UNC13C: variants seen among roughly 807,000 people sequenced by gnomAD.
UNC13C encodes protein unc-13 homolog C.
A neutral mutation model predicts 245.4 loss-of-function variants in UNC13C; 174 were observed. The ratio of observed to expected loss-of-function variants is 0.71; its 90% CI spans 0.63 to 0.80. The LOEUF is 0.80. Ranked by LOEUF, UNC13C falls within the 30% of genes least tolerant of loss-of-function variation. The probability of loss-of-function intolerance (pLI) is 0.00; values close to 1 mark genes in which losing one functional copy is unlikely to be tolerated. For missense variants in UNC13C, 2,829 were observed against 2,602.9 expected (o/e 1.09, Z -1.89); for synonymous variants, 992 against 895.1 (o/e 1.11, Z -1.93).
intron 4 of UNC13C, among the ~76,000 whole-genome samples, chr15:54,184,756 G>A (rs1224514390): frequency 1.3e-5 from 2 of 152,174 alleles, no homozygotes; most frequent in South Asian, 2.1e-4. Context: ...ATAGCAGCAT[G>A]ATTTATAATC....
the UNC13C span, among the ~76,000 whole-genome samples, chr15:53,897,563 T>G: frequency 6.6e-6 from 1 of 152,196 alleles, no homozygotes; most frequent in East Asian, 1.9e-4. Context: ...TATAGGCGTG[T>G]GCCATGGAAC....
At chr15:54,369,904 G>T (rs1021233523) in intron 17 of UNC13C, among the ~76,000 whole-genome samples, 2 of 152,048 alleles carry the variant, frequency 1.3e-5, no homozygotes, top group African/African-American at 4.8e-5. Flanking sequence ...GGCTGTATTA[G>T]AATCTCTGGT....
intron 17 of UNC13C, among the ~76,000 whole-genome samples, chr15:54,361,072 C>G (rs2039219251): frequency 6.6e-6 from 1 of 152,100 alleles, no homozygotes; most frequent in Non-Finnish European, 1.5e-5. Context: ...CCCTTCATCT[C>G]CATTAGGAAT....
chr15:54,302,611 C>T (rs1439059512), intron 13 of UNC13C, among the ~76,000 whole-genome samples: 3 of 151,992 alleles, frequency 2.0e-5, no homozygotes, highest in South Asian at 4.1e-4. Flanking sequence ...AGATGTGTGG[C>T]GTTATTACTG....
chr15:54,353,415 G>A (rs2039026721), intron 17 of UNC13C, among the ~76,000 whole-genome samples: 1 of 151,964 alleles, frequency 6.6e-6, no homozygotes. Context: ...CAAAGACCAG[G>A]GAAATGTCAC....
chr15:54,151,008 C>T (rs548587525), intron 4 of UNC13C, among the ~76,000 whole-genome samples: 26 of 152,182 alleles, frequency 1.7e-4, no homozygotes, highest in African/African-American at 6.3e-4. Flanking sequence ...CATAGTTCAC[C>T]AAGTTGTAGA....
intron 4 of UNC13C, among the ~76,000 whole-genome samples, chr15:54,167,914 A>T (rs1165119609): frequency 6.6e-6 from 1 of 152,214 alleles, no homozygotes; most frequent in East Asian, 1.9e-4. Context: ...AATCAAAGGC[A>T]CCAGGAGACA....
intron 26 of UNC13C, among the ~76,000 whole-genome samples, chr15:54,545,340 C>G (rs1308066364): frequency 1.3e-5 from 2 of 152,056 alleles, no homozygotes. Flanking sequence ...AAAACCATAA[C>G]ATCCCTAGAA....
the UNC13C span, among the ~76,000 whole-genome samples, chr15:53,841,113 A>T: frequency 9.8e-5 from 15 of 152,298 alleles, no homozygotes; most frequent in Admixed American, 2.0e-4. Context: ...ACTGTGTGCC[A>T]CGCAATTCAT....
At chr15:54,259,770 C>T (rs138018177) in intron 8 of UNC13C, among the ~76,000 whole-genome samples, 4 of 152,272 alleles carry the variant, frequency 2.6e-5, no homozygotes, top group African/African-American at 9.6e-5. Context: ...TGTAAGTGCA[C>T]GTGGCATGTA....
chr15:54,545,844 A>G (rs949073249), intron 26 of UNC13C, among the ~76,000 whole-genome samples: 6 of 152,144 alleles, frequency 3.9e-5, no homozygotes, highest in Non-Finnish European at 8.8e-5. Flanking sequence ...GAATGTGGAG[A>G]AATAGGAACA....
chr15:54,126,461 AAAAT>A (rs2031045564), intron 2 of UNC13C, among the ~76,000 whole-genome samples: 2 of 152,198 alleles, frequency 1.3e-5, no homozygotes, highest in African/African-American at 4.8e-5. Context: ...AAAAAGCTGC[AAAAT>A]AAATAAAGCA....
chr15:54,608,383 A>AC (rs1465699498), intron 30 of UNC13C, among the ~76,000 whole-genome samples: 3 of 152,244 alleles, frequency 2.0e-5, no homozygotes, highest in African/African-American at 7.2e-5. Context: ...CAGGAATGCT[A>AC]AAATGATTGC....
the UNC13C span, among the ~76,000 whole-genome samples, chr15:53,882,829 G>C: frequency 6.6e-6 from 1 of 152,052 alleles, no homozygotes; most frequent in African/African-American, 2.4e-5. Flanking sequence ...ACTGAGGATG[G>C]TACTATTATT....
intron 26 of UNC13C, 21 bp from the exon 27 acceptor site, chr15:54,546,701 A>G: frequency 7.1e-7 from 1 of 1,410,240 alleles, no homozygotes; most frequent in African/African-American, 1.5e-5. Context: ...AAGTGAATAT[A>G]TATATATATT....
At chr15:53,859,212 C>T in the UNC13C span, among the ~76,000 whole-genome samples, 1 of 152,208 alleles carries the variant, frequency 6.6e-6, no homozygotes, top group African/African-American at 2.4e-5. Context: ...TTTTTAATGT[C>T]TCATCGTTAA....
chr15:54,368,827 T>C (rs1042313809), intron 17 of UNC13C, among the ~76,000 whole-genome samples: 1 of 152,130 alleles, frequency 6.6e-6, no homozygotes, highest in Non-Finnish European at 1.5e-5. Context: ...ACTACGAAAC[T>C]CTTGTTTTAG....
At chr15:53,945,494 G>A in the UNC13C span, among the ~76,000 whole-genome samples, 18 of 152,180 alleles carry the variant, frequency 1.2e-4, no homozygotes, top group African/African-American at 4.1e-4. Flanking sequence ...TATTTATTAA[G>A]TGGGGGGTCC....
chr15:54,428,295 C>T lies in UNC13C; in HGVS notation c.4933+13228C>T, dbSNP rs372490784. Among the ~76,000 whole-genome samples the T allele has an allele frequency of 3.4e-4, 52 of 151,796 alleles. No individual in the cohort carries two copies. In the East Asian group the frequency reaches 4.9e-3, roughly 14 times the overall value. ...GTCTTTACCCTGAACTGGAAGGCCC[C>T]GCATTGTTGCTGGAGGCCCTGTCTC... is the stretch of plus-strand genomic sequence containing the variant. On this transcript the variant is annotated intron_variant, in intron 19 of 32. Transcript: ENST00000260323.
Sources: allele counts gnomAD v4.1 joint callset (sites outside exome capture counted in the v4.1 genomes callset), GRCh38; gene constraint gnomAD v4.1.1; transcripts MANE v1.5; gene names NCBI Gene and HGNC (gene_info 2026-07-23, HGNC 2026-07-21).